DCDC1: variants seen among roughly 807,000 people sequenced by gnomAD.
The protein encoded by DCDC1 is doublecortin domain containing 1, also known as doublecortin domain-containing protein 1.
In DCDC1, 200 loss-of-function variants were observed where a neutral mutation model predicts 178.3. The ratio of observed to expected loss-of-function variants is 1.12; its 90% CI spans 1.00 to 1.26. DCDC1 has a LOEUF of 1.26. Ranked by LOEUF, DCDC1 falls within the 50% of genes most tolerant of loss-of-function variation. DCDC1 has a pLI of 0.00. For missense variants in DCDC1, 1,983 were observed against 1,749.2 expected, an observed-to-expected ratio of 1.13 and a Z score of -2.38; for synonymous variants, 690 against 604.8, an observed-to-expected ratio of 1.14 and a Z score of -2.07.
chr11:31,134,585 G>C (rs1170414294), intron 10 of DCDC1, among the ~76,000 whole-genome samples: 1 of 152,096 alleles, frequency 6.6e-6, no homozygotes, highest in Non-Finnish European at 1.5e-5. Flanking sequence ...TTCTCTCATA[G>C]GCATTTCTTC....
At position 31,337,658 on chromosome 11, in the gene DCDC1, C is replaced by CTCCA. The variant is rs1555182879; in HGVS notation, c.-124-2095_-124-2094insTGGA. Among the ~76,000 whole-genome samples, 13 of 150,122 alleles carry CTCCA rather than the reference C, an allele frequency of 8.7e-5. No individual in the cohort carries two copies. The East Asian group carries it at 2.6e-3, about 30-fold the overall frequency. ...CCTGCCTGGGTGAGTGAGACCCTGT[C>CTCCA]TCAATCAATCAATCAATCAATCAAT... is the stretch of plus-strand genomic sequence containing the variant. On this transcript the variant is annotated intron_variant, in intron 1 of 38. Coordinates refer to ENST00000684477, the MANE Select transcript of DCDC1 (RefSeq NM_001387274.1).
At chr11:31,274,432 T>TA (rs2137204792) in intron 7 of DCDC1, among the ~76,000 whole-genome samples, 1 of 152,188 alleles carries the variant, frequency 6.6e-6, no homozygotes, top group South Asian at 2.1e-4. Flanking sequence ...GATCATATCA[T>TA]TACATGTGGA....
At chr11:31,045,310 C>A (rs1045786572) in intron 20 of DCDC1, among the ~76,000 whole-genome samples, 1 of 151,908 alleles carries the variant, frequency 6.6e-6, no homozygotes, top group Admixed American at 6.6e-5. Context: ...CTTGTGCGAC[C>A]CACTTCTTAC....
intron 8 of DCDC1, among the ~76,000 whole-genome samples, chr11:31,257,773 G>A (rs1944514833): frequency 6.6e-6 from 1 of 151,630 alleles, no homozygotes; most frequent in South Asian, 2.1e-4. Flanking sequence ...AATGCCAGGT[G>A]AAGGAGATCC....
chr11:31,173,714 C>T (rs1967560154), intron 9 of DCDC1, among the ~76,000 whole-genome samples: 1 of 151,140 alleles, frequency 6.6e-6, no homozygotes, highest in African/African-American at 2.4e-5. Flanking sequence ...TAAGAGATTT[C>T]CCCATGTTCC....
In DCDC1 at chr11:30,920,786, T is replaced by A; in HGVS notation, c.3283A>T (p.Ser1095Cys). Reference protein sequence around the residue: ...EDPLTTENASSEILDSHVRAH... With the variant: ...EDPLTTENASCEILDSHVRAH... ...ACACTGATTACTTACAGAATTTCACTGGAAGCATTTTCCGTTGTTAGAGGA... is the reference window on the plus strand; with the variant it reads ...ACACTGATTACTTACAGAATTTCACAGGAAGCATTTTCCGTTGTTAGAGGA... The change falls in exon 25 of 39, where the codon AGT (serine) becomes TGT (cysteine). Residue 1095 changes from serine (S) to cysteine (C), a missense_variant. Transcript: ENST00000684477. The A allele has an allele frequency of 6.2e-7, 1 of 1,613,562 alleles. No homozygotes were observed.
intron 18 of DCDC1, among the ~76,000 whole-genome samples, chr11:31,067,738 C>T (rs1364118462): frequency 7.2e-5 from 11 of 152,034 alleles, no homozygotes; most frequent in Admixed American, 3.3e-4. Context: ...AAGCATGCTA[C>T]AACCTGAATT....
intron 7 of DCDC1, among the ~76,000 whole-genome samples, chr11:31,280,054 T>C (rs1446714992): frequency 6.6e-6 from 1 of 152,106 alleles, no homozygotes; most frequent in Non-Finnish European, 1.5e-5. Flanking sequence ...TCATAGATCA[T>C]CTATAAAATG....
intron 9 of DCDC1, among the ~76,000 whole-genome samples, chr11:31,185,347 G>A (rs1419714858): frequency 6.6e-6 from 1 of 151,968 alleles, no homozygotes; most frequent in Non-Finnish European, 1.5e-5. Flanking sequence ...ACGATGGCAC[G>A]TGTATAGCTA....
In DCDC1 at chr11:30,864,025, G is replaced by A. The variant is rs1940810734; in HGVS notation, c.*1348C>T. On this transcript the variant is annotated 3_prime_UTR_variant, in exon 39 of 39. Transcript: ENST00000684477. Reference sequence around the variant, plus strand: ...GCCTGTAGTCCCAGCTACTCAGGAGGCTGAGACAGGAGAATTGCTTGAACC... The same window carrying A: ...GCCTGTAGTCCCAGCTACTCAGGAGACTGAGACAGGAGAATTGCTTGAACC... 1 of 152,254 alleles carries A rather than the reference G, an allele frequency of 6.6e-6. No individual in the cohort carries two copies. Among genetic ancestry groups the A allele is most frequent in the African/African-American group, 2.4e-5 (1 of 41,460 alleles). 9.4% of individuals were successfully genotyped at this position (152,254 alleles called of 1,614,324 possible).
intron 9 of DCDC1, among the ~76,000 whole-genome samples, chr11:31,166,690 A>C (rs1457855414): frequency 2.0e-5 from 3 of 152,188 alleles, no homozygotes; most frequent in Non-Finnish European, 4.4e-5. Context: ...TAAAAAGCAG[A>C]ATAGTATTTG....
chr11:31,102,503 A>G (rs1336423117), intron 14 of DCDC1, among the ~76,000 whole-genome samples: 1 of 152,128 alleles, frequency 6.6e-6, no homozygotes. Context: ...ATATTTAGCA[A>G]TAGGTTGTCA....
intron 31 of DCDC1, 29 bp downstream of exon 31, chr11:30,904,932 C>G: frequency 6.2e-7 from 1 of 1,612,234 alleles, no homozygotes; most frequent in Non-Finnish European, 8.5e-7. Flanking sequence ...TCTGAAGATG[C>G]AAGCAGCATT....
intron 34 of DCDC1, among the ~76,000 whole-genome samples, chr11:30,895,071 A>G (rs1565039785): frequency 6.6e-6 from 1 of 152,246 alleles, no homozygotes; most frequent in African/African-American, 2.4e-5. Context: ...AGTCACACTT[A>G]TGAAATTGTT....
intron 20 of DCDC1, among the ~76,000 whole-genome samples, chr11:30,997,433 C>A (rs1951331387): frequency 6.6e-6 from 1 of 151,936 alleles, no homozygotes; most frequent in African/African-American, 2.4e-5. Context: ...ACAACATAAC[C>A]TCACTGAAGG....
intron 17 of DCDC1, among the ~76,000 whole-genome samples, chr11:31,088,383 T>C (rs1957602684): frequency 1.3e-5 from 2 of 152,078 alleles, no homozygotes; most frequent in African/African-American, 4.8e-5. Flanking sequence ...TTTGTTCCCC[T>C]TTTCCTCTTT....
chr11:30,942,071 G>A (rs1947687676), intron 21 of DCDC1, among the ~76,000 whole-genome samples: 1 of 152,118 alleles, frequency 6.6e-6, no homozygotes, highest in Admixed American at 6.6e-5. Flanking sequence ...ACTTTCACCA[G>A]TACAGAAATA....
At chr11:31,192,931 T>G (rs1970287884) in intron 9 of DCDC1, among the ~76,000 whole-genome samples, 1 of 152,088 alleles carries the variant, frequency 6.6e-6, no homozygotes, top group Admixed American at 6.6e-5. Flanking sequence ...AACAAAAAAG[T>G]AGAAGGAAGG....
chr11:30,993,278 AT>A (rs1358871775), intron 20 of DCDC1, among the ~76,000 whole-genome samples: 1 of 152,094 alleles, frequency 6.6e-6, no homozygotes, highest in African/African-American at 2.4e-5. Context: ...AGCTAACTAA[AT>A]GAAAGTGAAA....
Sources: allele counts gnomAD v4.1 joint callset (sites outside exome capture counted in the v4.1 genomes callset), GRCh38; gene constraint gnomAD v4.1.1; transcripts MANE v1.5; gene names NCBI Gene and HGNC (gene_info 2026-07-23, HGNC 2026-07-21).